The following HIVEP2 variants were observed in gnomAD, a reference collection of about 807,000 sequenced individuals.
HIVEP2 encodes the protein HIVEP zinc finger 2.
Under a neutral mutation model 180.7 loss-of-function variants are expected in HIVEP2, and 14 were observed. The observed-to-expected ratio is 0.08, with a 90% CI of 0.05 to 0.12. HIVEP2 has a LOEUF of 0.12. Ranked by LOEUF, HIVEP2 falls within the 10% of genes least tolerant of loss-of-function variation. HIVEP2 has a pLI of 1.00. For synonymous variants in HIVEP2, 1,184 were observed against 1,136.4 expected, an observed-to-expected ratio of 1.04 and a Z score of -0.84; for missense variants, 2,579 against 3,008.5, an observed-to-expected ratio of 0.86 and a Z score of 3.34.
Position 142,816,978 on chromosome 6 carries a change from T to A in HIVEP2, c.-528+19957A>T, listed in dbSNP as rs1023639918. Among the ~76,000 whole-genome samples, 3 of 152,220 alleles carry A rather than the reference T, an allele frequency of 2.0e-5. No homozygotes were observed. The East Asian group carries it at 5.8e-4, about 29-fold the overall frequency. On this transcript the variant is annotated intron_variant, in intron 2 of 9. Coordinates refer to ENST00000367603, the MANE Select transcript of HIVEP2 (RefSeq NM_006734.4). ...GTGGGTGTTGAAGAATGACAGCTCC[T>A]TGAGGACAGGACACACTTTTGTTCA... is the stretch of plus-strand genomic sequence containing the variant.
chr6:142,879,526 C>T (rs537211089), intron 1 of HIVEP2, among the ~76,000 whole-genome samples: 1 of 152,146 alleles, frequency 6.6e-6, no homozygotes, highest in Admixed American at 6.5e-5. Context: ...TCCTCTTGAC[C>T]TGCTCCTTCT....
At chr6:142,809,049 A>T (rs779164716) in intron 2 of HIVEP2, among the ~76,000 whole-genome samples, 3 of 150,860 alleles carry the variant, frequency 2.0e-5, no homozygotes, top group Non-Finnish European at 2.9e-5. Context: ...TCTTTCACAG[A>T]ATACGTGCTT....
At chr6:142,837,613 A>G (rs904709662) in intron 1 of HIVEP2, among the ~76,000 whole-genome samples, 2 of 152,126 alleles carry the variant, frequency 1.3e-5, no homozygotes, top group African/African-American at 4.8e-5. Context: ...TCTCCACAGA[A>G]AGTGTTTACT....
At chr6:142,922,399 T>C (rs1349121232) in intron 1 of HIVEP2, among the ~76,000 whole-genome samples, 1 of 152,188 alleles carries the variant, frequency 6.6e-6, no homozygotes, top group Non-Finnish European at 1.5e-5. Flanking sequence ...TCTTTGGGGA[T>C]AGCAACACAA....
rs998451585 is a variant in HIVEP2 at position 142,773,052 on chromosome 6, T to A, written c.1687A>T (p.Ser563Cys). 11 of 1,614,122 alleles carry A rather than the reference T, an allele frequency of 6.8e-6. No homozygotes were observed. The Admixed American group carries it at 1.5e-4, about 22-fold the overall frequency. ...GTCATCCTTTCATCAAATGAGTGACTTCCTCTCAAAGAAGGAGGAATAGTT... is the reference window on the plus strand; with the variant it reads ...GTCATCCTTTCATCAAATGAGTGACATCCTCTCAAAGAAGGAGGAATAGTT... ...NLTIPPSLRGSHSFDERMTGS... is the reference protein window; with the variant it reads ...NLTIPPSLRGCHSFDERMTGS... Residue 563 changes from serine (S) to cysteine (C), a missense_variant, in exon 5 of 10, where the codon AGT (serine) becomes TGT (cysteine). Coordinates refer to ENST00000367603, the MANE Select transcript of HIVEP2 (RefSeq NM_006734.4).
chr6:142,920,817 A>G (rs1019974152), intron 1 of HIVEP2, among the ~76,000 whole-genome samples: 1 of 152,118 alleles, frequency 6.6e-6, no homozygotes, highest in African/African-American at 2.4e-5. Context: ...ACCCATTTCT[A>G]CAAAAAATTT....
chr6:142,849,710 G>A (rs1226534120), intron 1 of HIVEP2, among the ~76,000 whole-genome samples: 1 of 151,932 alleles, frequency 6.6e-6, no homozygotes, highest in Non-Finnish European at 1.5e-5. Context: ...GTAGAGACAG[G>A]GTTTCACTAT....
chr6:142,792,823 T>A (rs969541074), intron 2 of HIVEP2, among the ~76,000 whole-genome samples: 2 of 151,990 alleles, frequency 1.3e-5, no homozygotes, highest in African/African-American at 4.8e-5. Flanking sequence ...AAATAAGGAA[T>A]CTGTCAGAAG....
chr6:142,772,716 T>C lies in HIVEP2; in HGVS notation c.2023A>G (p.Met675Val). 1 of 1,614,044 alleles carries C rather than the reference T, an allele frequency of 6.2e-7. No homozygotes were observed. The highest frequency in any genetic ancestry group is 8.5e-7 in the Non-Finnish European group (1 of 1,179,880). The change falls in exon 5 of 10, where the codon ATG becomes GTG. Residue 675 changes from methionine to valine, a missense_variant. By Grantham distance (21) the Met-to-Val change is conservative (BLOSUM62 1). Transcript: ENST00000367603. The surrounding 1 kb of genome is among the most constrained non-coding windows in gnomAD (Gnocchi z 4.9). ...CCCTGCAATGGCACCACGGGATCCA[T>C]GAAATATTCTCCACCATGCTTTAAA... is the stretch of plus-strand genomic sequence containing the variant. ...SSLKHGGEYFMDPVVPLQGVP... is the reference protein window; with the variant it reads ...SSLKHGGEYFVDPVVPLQGVP...
At chr6:142,776,403 ATAT>A (rs1775700996) in intron 3 of HIVEP2, among the ~76,000 whole-genome samples, 1 of 152,230 alleles carries the variant, frequency 6.6e-6, no homozygotes, top group Non-Finnish European at 1.5e-5. Flanking sequence ...CTCAGAGAAA[ATAT>A]TATAAAAACA....
At chr6:142,942,630 G>T (rs1265908008) in intron 1 of HIVEP2, among the ~76,000 whole-genome samples, 1 of 152,152 alleles carries the variant, frequency 6.6e-6, no homozygotes, top group Non-Finnish European at 1.5e-5. Flanking sequence ...TAGGAATATA[G>T]AAATGTTTTA....
intron 1 of HIVEP2, among the ~76,000 whole-genome samples, chr6:142,838,629 C>G (rs1449316206): frequency 6.6e-6 from 1 of 152,094 alleles, no homozygotes; most frequent in South Asian, 2.1e-4. Context: ...AGGATGGTTT[C>G]GTGCAGAAGC....
At chr6:142,857,991 G>C (rs1290274378) in intron 1 of HIVEP2, among the ~76,000 whole-genome samples, 1 of 152,148 alleles carries the variant, frequency 6.6e-6, no homozygotes, top group East Asian at 1.9e-4. Context: ...GCTATGCATG[G>C]TCCCCGGCAG....
chr6:142,848,861 C>T (rs926817022), intron 1 of HIVEP2, among the ~76,000 whole-genome samples: 1 of 152,154 alleles, frequency 6.6e-6, no homozygotes, highest in African/African-American at 2.4e-5. Flanking sequence ...GTGAAAGCAC[C>T]AGTTCAACCC....
intron 7 of HIVEP2, among the ~76,000 whole-genome samples, chr6:142,763,112 C>A (rs1401330885): frequency 6.6e-6 from 1 of 152,192 alleles, no homozygotes; most frequent in Non-Finnish European, 1.5e-5. Flanking sequence ...ATTTTTCTCT[C>A]CATTCCAAGG....
At chr6:142,767,194 C>A (rs1317971076) in intron 6 of HIVEP2, among the ~76,000 whole-genome samples, 1 of 152,166 alleles carries the variant, frequency 6.6e-6, no homozygotes, top group Non-Finnish European at 1.5e-5. Context: ...GCTATGAAGG[C>A]TGCTGAATGT....
chr6:142,773,925 G>C lies in HIVEP2; in HGVS notation c.814C>G (p.His272Asp). The change falls in exon 5 of 10, where the codon CAT becomes GAT. Residue 272 changes from histidine to aspartate, a missense_variant. Physicochemically the swap from His to Asp is moderately conservative, Grantham distance 81. This residue lies in a region of HIVEP2 where 142 missense variants were observed against 135.2 expected (regional missense o/e 1.05). Coordinates refer to ENST00000367603, the MANE Select transcript of HIVEP2 (RefSeq NM_006734.4). Reference protein sequence around the residue: ...AGFIDVEAEIHSDGEQSTDTD... With the variant: ...AGFIDVEAEIDSDGEQSTDTD... ...TCTGTACTCTGTTCACCATCTGAATGTATTTCTGCTTCTACATCAATAAAA... is the reference window on the plus strand; with the variant it reads ...TCTGTACTCTGTTCACCATCTGAATCTATTTCTGCTTCTACATCAATAAAA... 6.2e-7 allele frequency: 1 copy of C among 1,614,026 alleles called. No homozygotes were observed. Among genetic ancestry groups the C allele is most frequent in the Non-Finnish European group, 8.5e-7 (1 of 1,180,040 alleles).
intron 9 of HIVEP2, among the ~76,000 whole-genome samples, chr6:142,758,605 T>C (rs1775138848): frequency 6.6e-6 from 1 of 152,224 alleles, no homozygotes; most frequent in African/African-American, 2.4e-5. Flanking sequence ...CCTCTGTCTA[T>C]GCTAAGTGCA....
intron 2 of HIVEP2, among the ~76,000 whole-genome samples, chr6:142,818,513 C>T (rs1175980430): frequency 4.0e-5 from 6 of 151,386 alleles, no homozygotes; most frequent in African/African-American, 7.3e-5. Context: ...TTCGTCTCCA[C>T]AAAAAATTAG....
Sources: allele counts gnomAD v4.1 joint callset (sites outside exome capture counted in the v4.1 genomes callset), GRCh38; gene constraint gnomAD v4.1.1; regional missense constraint gnomAD v4.1.1; non-coding constraint Gnocchi (gnomAD v3.1); transcripts MANE v1.5; gene names NCBI Gene and HGNC (gene_info 2026-07-23, HGNC 2026-07-21).